Variants in OPCML observed in about 807,000 individuals in gnomAD.
The protein encoded by OPCML is opioid binding protein/cell adhesion molecule like.
A neutral mutation model predicts 37.8 loss-of-function variants in OPCML; 13 were observed. The ratio of observed to expected loss-of-function variants is 0.34; its 90% CI spans 0.22 to 0.55. The LOEUF (loss-of-function observed/expected upper bound fraction) is 0.55, where lower values mean the gene tolerates loss of function less well. Ranked by LOEUF, OPCML falls within the 20% of genes least tolerant of loss-of-function variation. The pLI is 0.91. For missense variants in OPCML, 341 were observed against 435.6 expected (o/e 0.78, Z 1.93); for synonymous variants, 176 against 168.8 (o/e 1.04, Z -0.33).
intron 2 of OPCML, among the ~76,000 whole-genome samples, chr11:132,893,575 G>A (rs1474754780): frequency 2.6e-5 from 4 of 152,208 alleles, no homozygotes; most frequent in Non-Finnish European, 5.9e-5. Flanking sequence ...GAGACCATCA[G>A]GAGCTCTCTG....
At chr11:133,179,354 G>A (rs951656439) in intron 1 of OPCML, among the ~76,000 whole-genome samples, 2 of 152,142 alleles carry the variant, frequency 1.3e-5, no homozygotes, top group Non-Finnish European at 2.9e-5. Context: ...GCATTTCAGG[G>A]GATAGGCAGG....
chr11:132,624,167 C>T (rs1939596496), intron 3 of OPCML, among the ~76,000 whole-genome samples: 1 of 152,160 alleles, frequency 6.6e-6, no homozygotes, highest in Non-Finnish European at 1.5e-5. Context: ...ATAAAGCTAT[C>T]CTCTCATGGA....
At chr11:132,747,887 G>A (rs1439582552) in intron 2 of OPCML, among the ~76,000 whole-genome samples, 1 of 152,080 alleles carries the variant, frequency 6.6e-6, no homozygotes, top group Non-Finnish European at 1.5e-5. Context: ...GGCTGGCCTC[G>A]AACTGCTGAG....
chr11:133,070,887 C>A (rs918800718), intron 1 of OPCML, among the ~76,000 whole-genome samples: 2 of 152,090 alleles, frequency 1.3e-5, no homozygotes, highest in African/African-American at 4.8e-5. Context: ...ACCCTGAGCT[C>A]AAATATGTTT....
intron 4 of OPCML, among the ~76,000 whole-genome samples, chr11:132,454,621 G>A (rs1013891922): frequency 6.6e-6 from 1 of 152,214 alleles, no homozygotes; most frequent in Non-Finnish European, 1.5e-5. Context: ...GGGCCTTCGG[G>A]AACATGGCAG....
At chr11:133,513,137 C>T (rs955657526) in intron 1 of OPCML, among the ~76,000 whole-genome samples, 2 of 151,840 alleles carry the variant, frequency 1.3e-5, no homozygotes, top group East Asian at 3.9e-4. Flanking sequence ...AGAGATGCAC[C>T]ATGCCTCTGA....
At chr11:133,403,815 A>G (rs906155388) in intron 1 of OPCML, among the ~76,000 whole-genome samples, 1 of 152,248 alleles carries the variant, frequency 6.6e-6, no homozygotes, top group African/African-American at 2.4e-5. Context: ...ATAATTGTGT[A>G]TTCACATTAA....
intron 1 of OPCML, among the ~76,000 whole-genome samples, chr11:133,245,438 T>C (rs1454349872): frequency 6.6e-6 from 1 of 152,192 alleles, no homozygotes; most frequent in Non-Finnish European, 1.5e-5. Flanking sequence ...CAAAGCCTTC[T>C]GAATGGTGAG....
intron 2 of OPCML, among the ~76,000 whole-genome samples, chr11:132,877,750 C>T (rs1943073524): frequency 6.6e-6 from 1 of 152,174 alleles, no homozygotes; most frequent in African/African-American, 2.4e-5. Flanking sequence ...TGTGCTCAGT[C>T]TCCAAGCTGG....
chr11:132,569,842 C>T (rs1591564621), intron 3 of OPCML, among the ~76,000 whole-genome samples: 2 of 151,722 alleles, frequency 1.3e-5, no homozygotes, highest in East Asian at 3.9e-4. Context: ...ATTCTATACC[C>T]AGCTTTAATA....
At chr11:133,112,800 C>T (rs536966036) in intron 1 of OPCML, among the ~76,000 whole-genome samples, 6 of 152,206 alleles carry the variant, frequency 3.9e-5, no homozygotes, top group South Asian at 2.1e-4. Flanking sequence ...GAGCCAAGGG[C>T]GAGCAGGTTA....
At chr11:132,730,937 T>G (rs1425500530) in intron 2 of OPCML, among the ~76,000 whole-genome samples, 1 of 152,234 alleles carries the variant, frequency 6.6e-6, no homozygotes, top group Non-Finnish European at 1.5e-5. Flanking sequence ...AGGATAGTCT[T>G]GAACCTAGAA....
At chr11:132,440,941 G>C (rs1392418138) in intron 4 of OPCML, among the ~76,000 whole-genome samples, 1 of 152,076 alleles carries the variant, frequency 6.6e-6, no homozygotes, top group Non-Finnish European at 1.5e-5. Flanking sequence ...TAATGGGGCA[G>C]AAGGCAATCA....
chr11:132,690,652 T>G (rs1291277429), intron 2 of OPCML, among the ~76,000 whole-genome samples: 1 of 152,174 alleles, frequency 6.6e-6, no homozygotes, highest in African/African-American at 2.4e-5. Flanking sequence ...CATTCAAACA[T>G]GGGATGTTTG....
intron 4 of OPCML, among the ~76,000 whole-genome samples, chr11:132,520,078 G>A (rs1311183146): frequency 1.3e-5 from 2 of 152,196 alleles, no homozygotes; most frequent in African/African-American, 2.4e-5. Context: ...ACAATACTGA[G>A]TGGAAGCTAG....
intron 1 of OPCML, among the ~76,000 whole-genome samples, chr11:133,150,907 C>T (rs906261027): frequency 6.6e-6 from 1 of 152,060 alleles, no homozygotes; most frequent in Admixed American, 6.5e-5. Context: ...GAGAGCTCCT[C>T]AGGAAGCCAC....
intron 3 of OPCML, among the ~76,000 whole-genome samples, chr11:132,554,956 G>A (rs1446388175): frequency 7.4e-6 from 1 of 134,342 alleles, no homozygotes; most frequent in Non-Finnish European, 1.5e-5. Context: ...TTCTGTTTGG[G>A]GCATTTTCTC....
chr11:132,534,559 G>T (rs143223914), intron 3 of OPCML, among the ~76,000 whole-genome samples: 13 of 152,284 alleles, frequency 8.5e-5, no homozygotes, highest in Middle Eastern at 3.4e-3. Context: ...AGTTAGTTGG[G>T]ATTGAAATGT....
At chr11:132,937,454 C>T (rs938897047) in intron 2 of OPCML, among the ~76,000 whole-genome samples, 1 of 151,824 alleles carries the variant, frequency 6.6e-6, no homozygotes, top group African/African-American at 2.4e-5. Flanking sequence ...CGTCTTCTCC[C>T]ACAGCCTGCT....
Sources: gnomAD v4.1 joint callset for allele counts (sites outside exome capture counted in the v4.1 genomes callset) on GRCh38, gnomAD v4.1.1 for gene constraint, MANE v1.5 for transcripts, NCBI Gene and HGNC (gene_info 2026-07-23, HGNC 2026-07-21) for gene names.